The following COMMD1 variants were observed in gnomAD, a reference collection of about 807,000 sequenced individuals.
The protein encoded by COMMD1 is copper metabolism domain containing 1.
A neutral mutation model predicts 17.2 loss-of-function variants in COMMD1; 10 were observed. The ratio of observed to expected loss-of-function variants is 0.58; its 90% confidence interval spans 0.36 to 0.99. The LOEUF is 0.99. COMMD1 is among the 50% of genes least tolerant of loss of function. COMMD1 has a pLI of 0.01. For missense variants in COMMD1, 270 were observed against 231.8 expected (o/e 1.17, Z -1.07); for synonymous variants, 97 against 91.6 (o/e 1.06, Z -0.34).
intron 1 of COMMD1, among the ~76,000 whole-genome samples, chr2:61,907,054 A>G (rs1360330262): frequency 6.6e-6 from 1 of 152,222 alleles, no homozygotes; most frequent in African/African-American, 2.4e-5. Context: ...TAGACATTCT[A>G]AGTAATCTTA....
intron 1 of COMMD1, among the ~76,000 whole-genome samples, chr2:61,959,194 CTT>C (rs1196454509): frequency 2.6e-5 from 4 of 151,984 alleles, no homozygotes; most frequent in Non-Finnish European, 4.4e-5. Context: ...TGTGAATTGT[CTT>C]TTCGTATCAT....
chr2:61,968,766 C>T (rs982049485), intron 1 of COMMD1, among the ~76,000 whole-genome samples: 1 of 151,944 alleles, frequency 6.6e-6, no homozygotes, highest in African/African-American at 2.4e-5. Context: ...CCATGTTGCC[C>T]AGGCTGGTTT....
chr2:62,010,029 A>G (rs1669235538), intron 2 of COMMD1, among the ~76,000 whole-genome samples: 1 of 152,194 alleles, frequency 6.6e-6, no homozygotes, highest in South Asian at 2.1e-4. Flanking sequence ...TGTTTTACAT[A>G]AGGATTATAA....
chr2:61,995,110 T>C (rs1409314534), intron 1 of COMMD1, among the ~76,000 whole-genome samples: 1 of 148,914 alleles, frequency 6.7e-6, no homozygotes, highest in African/African-American at 2.5e-5. Context: ...TTTTTTTTCA[T>C]TAAAAACATT....
chr2:62,079,821 T>C (rs1044751236), intron 2 of COMMD1: 1 of 152,174 alleles, frequency 6.6e-6, no homozygotes, highest in East Asian at 1.9e-4. Context: ...GTCTGTCAGA[T>C]GTCAACAGAA....
intron 2 of COMMD1, among the ~76,000 whole-genome samples, chr2:62,003,638 A>ACACC (rs1553378189): frequency 6.7e-6 from 1 of 148,466 alleles, no homozygotes; most frequent in Non-Finnish European, 1.5e-5. Context: ...ACACACACAC[A>ACACC]CACCCAACAG....
chr2:62,108,806 A>G (rs190556480), intron 2 of COMMD1, among the ~76,000 whole-genome samples: 2 of 152,344 alleles, frequency 1.3e-5, no homozygotes, highest in East Asian at 3.9e-4. Flanking sequence ...GTAGACCTAG[A>G]TAACTGTAAG....
intron 2 of COMMD1, among the ~76,000 whole-genome samples, chr2:62,108,509 A>G (rs566060795): frequency 2.0e-5 from 3 of 152,164 alleles, no homozygotes; most frequent in Non-Finnish European, 4.4e-5. Context: ...AGGGGTGGTA[A>G]ATTGTGGGAA....
chr2:62,129,211 A>C (rs2104096039), intron 2 of COMMD1, among the ~76,000 whole-genome samples: 1 of 152,286 alleles, frequency 6.6e-6, no homozygotes, highest in South Asian at 2.1e-4. Context: ...TAAAATAGGA[A>C]ATGAAGAAAC....
chr2:61,930,529 C>A (rs1670434806), intron 1 of COMMD1, among the ~76,000 whole-genome samples: 1 of 151,876 alleles, frequency 6.6e-6, no homozygotes, highest in Non-Finnish European at 1.5e-5. Context: ...GCACTCTATC[C>A]TGGGTGACAG....
rs557270654 is a variant in COMMD1, at chr2:62,086,004, A to G, written c.463-49827A>G. ...AAACAAAACAAAACAAAAACAAAAA[A>G]ATTTTTAAGAAAATGAGCCAGGCGT... On this transcript the variant is annotated intron_variant, in intron 2 of 2. Coordinates refer to ENST00000311832, the MANE Select transcript of COMMD1 (RefSeq NM_152516.4). Among the ~76,000 whole-genome samples the G allele has an allele frequency of 6.6e-5, 10 of 151,672 alleles. No homozygotes were observed. In the East Asian group the frequency reaches 1.8e-3, roughly 27 times the overall value.
intron 1 of COMMD1, among the ~76,000 whole-genome samples, chr2:61,995,312 C>A (rs1044410645): frequency 6.6e-6 from 1 of 152,078 alleles, no homozygotes; most frequent in East Asian, 1.9e-4. Flanking sequence ...TTTAGTGGCC[C>A]CTCATTACGT....
At chr2:61,973,092 G>A (rs1671697328) in intron 1 of COMMD1, among the ~76,000 whole-genome samples, 1 of 152,094 alleles carries the variant, frequency 6.6e-6, no homozygotes, top group African/African-American at 2.4e-5. Flanking sequence ...CATGCTGATA[G>A]ATACAGTTCT....
intron 2 of COMMD1, among the ~76,000 whole-genome samples, chr2:62,019,521 GC>G (rs2103852418): frequency 6.6e-6 from 1 of 152,142 alleles, no homozygotes; most frequent in South Asian, 2.1e-4. Flanking sequence ...TGAGAGTGGA[GC>G]CCTCATGATA....
chr2:62,054,178 C>T (rs1367655640), intron 2 of COMMD1, among the ~76,000 whole-genome samples: 1 of 152,126 alleles, frequency 6.6e-6, no homozygotes, highest in African/African-American at 2.4e-5. Context: ...GTCAGAGTGC[C>T]TATTACTACA....
chr2:62,064,181 T>C (rs938932413), intron 2 of COMMD1, among the ~76,000 whole-genome samples: 1 of 151,972 alleles, frequency 6.6e-6, no homozygotes, highest in African/African-American at 2.4e-5. Flanking sequence ...TTTTTAACTT[T>C]TTATTTATTT....
At chr2:61,948,187 C>A (rs867200215) in intron 1 of COMMD1, among the ~76,000 whole-genome samples, 5 of 152,144 alleles carry the variant, frequency 3.3e-5, no homozygotes, top group Non-Finnish European at 7.4e-5. Context: ...CCGCTTACTG[C>A]AGCCTTGACC....
intron 2 of COMMD1, among the ~76,000 whole-genome samples, chr2:62,024,929 G>A (rs1669714880): frequency 6.6e-6 from 1 of 152,082 alleles, no homozygotes; most frequent in Non-Finnish European, 1.5e-5. Flanking sequence ...GTGCAATCTT[G>A]ATGCTTAAAA....
chr2:62,032,732 C>CCTCT (rs1157078928), intron 2 of COMMD1, among the ~76,000 whole-genome samples: 6 of 151,982 alleles, frequency 3.9e-5, no homozygotes, highest in Non-Finnish European at 8.8e-5. Flanking sequence ...CTCCTTCTCT[C>CCTCT]CTCTCTCTCT....
Sources: allele counts gnomAD v4.1 joint callset (sites outside exome capture counted in the v4.1 genomes callset), GRCh38; gene constraint gnomAD v4.1.1; transcripts MANE v1.5; gene names NCBI Gene and HGNC (gene_info 2026-07-23, HGNC 2026-07-21).